Variants in C10orf67 observed in about 807,000 individuals in gnomAD.
C10orf67 encodes the protein uncharacterized protein C10orf67, mitochondrial.
In C10orf67, 60 loss-of-function variants were observed where a neutral mutation model predicts 35.6. The ratio of observed to expected loss-of-function variants is 1.68; its 90% CI spans 1.37 to 2.09. The LOEUF is 2.09. C10orf67 is among the 30% of genes most tolerant of loss of function. The pLI, the probability that C10orf67 is intolerant of heterozygous loss-of-function variation, is 0.00. For missense variants in C10orf67, 474 were observed against 330.2 expected (o/e 1.44, Z -3.38); for synonymous variants, 167 against 115.8 (o/e 1.44, Z -2.84).
At chr10:23,298,070 A>T (rs1319602778) in intron 5 of C10orf67, among the ~76,000 whole-genome samples, 1 of 152,120 alleles carries the variant, frequency 6.6e-6, no homozygotes, top group Non-Finnish European at 1.5e-5. Flanking sequence ...CCTGGCGAAC[A>T]CGGTGAAACC....
At chr10:23,318,367 A>C (rs1229094660) in intron 4 of C10orf67, 1 of 152,712 alleles carries the variant, frequency 6.5e-6, no homozygotes, top group Admixed American at 6.5e-5. Context: ...TAGTACCTAC[A>C]TGTAGATCTT....
intron 10 of C10orf67, among the ~76,000 whole-genome samples, chr10:23,258,878 T>C (rs1420720694): frequency 6.6e-6 from 1 of 152,234 alleles, no homozygotes. Context: ...ACCATCCTAT[T>C]TAGAGTTCAA....
At chr10:23,285,413 G>A (rs1405728281) in intron 7 of C10orf67, among the ~76,000 whole-genome samples, 1 of 149,148 alleles carries the variant, frequency 6.7e-6, no homozygotes, top group African/African-American at 2.4e-5. Context: ...ACATAACAAA[G>A]CTATCAGAAA....
intron 5 of C10orf67, among the ~76,000 whole-genome samples, chr10:23,296,265 G>A (rs1435085118): frequency 6.6e-6 from 1 of 152,136 alleles, no homozygotes; most frequent in Non-Finnish European, 1.5e-5. Flanking sequence ...GACCCAAAGA[G>A]GGTAGCCATT....
chr10:23,287,208 C>G (rs915656710), intron 7 of C10orf67, among the ~76,000 whole-genome samples: 1 of 152,156 alleles, frequency 6.6e-6, no homozygotes, highest in East Asian at 1.9e-4. Context: ...AGGCATCACA[C>G]TACCTAACTT....
chr10:23,232,398 A>G (rs1476961483), intron 13 of C10orf67, among the ~76,000 whole-genome samples: 5 of 152,222 alleles, frequency 3.3e-5, no homozygotes, highest in Non-Finnish European at 7.3e-5. Context: ...AAAATTACTA[A>G]CTATGCAATA....
chr10:23,266,278 T>C lies in C10orf67; in HGVS notation c.1184A>G (p.Lys395Arg), dbSNP rs1842881499. 1.0e-5 allele frequency: 4 copies of C among 398,680 alleles called. No homozygotes were observed. In the East Asian group the frequency reaches 1.1e-4, roughly 11 times the overall value. The allele number at this position is 398,680 out of a possible 1,614,324, so 24.7% of individuals were successfully genotyped here. ...QKAKMPKKAL[K>R]EDQAVVEDKH... ...AGTTCTTACCACAGCTTGGTCTTCC[T>C]TTAAAGCCTTCTTTGGCATTTTAGC... Residue 395 changes from lysine (K) to arginine (R), a missense_variant, in exon 10 of 16, where the codon AAG becomes AGG. Lys to Arg is a conservative substitution (Grantham distance 26). Transcript: ENST00000636213.
At chr10:23,301,346 G>T (rs905181802) in intron 5 of C10orf67, among the ~76,000 whole-genome samples, 1 of 152,184 alleles carries the variant, frequency 6.6e-6, no homozygotes, top group Admixed American at 6.5e-5. Context: ...GGGGTTGTTA[G>T]AAAGCCCTTC....
intron 8 of C10orf67, among the ~76,000 whole-genome samples, chr10:23,280,516 T>C (rs1411505506): frequency 6.6e-6 from 1 of 152,102 alleles, no homozygotes; most frequent in Non-Finnish European, 1.5e-5. Context: ...CCAAAGCAGG[T>C]ATGCAATGGA....
chr10:23,234,388 C>T (rs543984840), intron 13 of C10orf67, among the ~76,000 whole-genome samples: 1 of 152,212 alleles, frequency 6.6e-6, no homozygotes, highest in African/African-American at 2.4e-5. Context: ...ATGGGTAGAG[C>T]TGGAGGCCAT....
intron 15 of C10orf67, among the ~76,000 whole-genome samples, chr10:23,207,020 C>T (rs958583970): frequency 1.3e-5 from 2 of 152,214 alleles, no homozygotes; most frequent in African/African-American, 4.8e-5. Flanking sequence ...GATGCCACCT[C>T]TGTGCCATAC....
intron 4 of C10orf67, among the ~76,000 whole-genome samples, chr10:23,313,752 G>A (rs1217268834): frequency 6.6e-6 from 1 of 152,176 alleles, no homozygotes; most frequent in Non-Finnish European, 1.5e-5. Context: ...TAGCTAAGAA[G>A]TGGAAACAGA....
intron 5 of C10orf67, among the ~76,000 whole-genome samples, chr10:23,292,310 G>C (rs1161036227): frequency 6.6e-6 from 1 of 150,896 alleles, no homozygotes; most frequent in Non-Finnish European, 1.5e-5. Flanking sequence ...AGCTGGTGCA[G>C]AACTTTATAC....
intron 4 of C10orf67, among the ~76,000 whole-genome samples, chr10:23,307,070 A>T (rs1259916368): frequency 6.6e-6 from 1 of 152,170 alleles, no homozygotes; most frequent in Non-Finnish European, 1.5e-5. Flanking sequence ...GAAGTAATAC[A>T]CCTTGACATC....
At chr10:23,237,697 G>A (rs1244739298) in intron 13 of C10orf67, among the ~76,000 whole-genome samples, 1 of 152,198 alleles carries the variant, frequency 6.6e-6, no homozygotes, top group East Asian at 1.9e-4. Context: ...TATAAACTGT[G>A]TGAGTCCATC....
intron 13 of C10orf67, among the ~76,000 whole-genome samples, chr10:23,232,370 A>G (rs1444735243): frequency 2.0e-5 from 3 of 152,234 alleles, no homozygotes; most frequent in Admixed American, 2.0e-4. Context: ...GGATAAAAAT[A>G]TTTGCATAAA....
In C10orf67 at chr10:23,219,321, T is replaced by C. The variant is rs191877825; in HGVS notation, c.1570+4277A>G. ...AGCCACTTAAAGAGTCACTGTTACT[T>C]TGAGGTTTTATCTGTAAGATTCGTG... is the stretch of plus-strand genomic sequence containing the variant. On this transcript the variant is annotated intron_variant, in intron 15 of 15. Transcript: ENST00000636213. Among the ~76,000 whole-genome samples the C allele has an allele frequency of 3.0e-3, 459 of 152,270 alleles. 4 individuals are homozygous for C. The highest frequency in any genetic ancestry group is 0.011 in the African/African-American group (439 of 41,564).
chr10:23,330,848 C>T (rs1376168617), intron 2 of C10orf67, among the ~76,000 whole-genome samples: 2 of 151,990 alleles, frequency 1.3e-5, no homozygotes, highest in South Asian at 2.1e-4. Flanking sequence ...AAGATTCTTC[C>T]GTCTTATTAC....
chr10:23,328,846 G>A (rs767520031), intron 2 of C10orf67, among the ~76,000 whole-genome samples: 8 of 151,446 alleles, frequency 5.3e-5, no homozygotes, highest in Non-Finnish European at 1.2e-4. Flanking sequence ...TTAGCCAGGT[G>A]TGGTGGCATG....
Sources: gnomAD v4.1 joint callset for allele counts (sites outside exome capture counted in the v4.1 genomes callset) on GRCh38, gnomAD v4.1.1 for gene constraint, MANE v1.5 for transcripts, NCBI Gene and HGNC (gene_info 2026-07-23, HGNC 2026-07-21) for gene names.